Variants in MTR observed in about 807,000 individuals in gnomAD.
MTR encodes methionine synthase.
In MTR, 84 loss-of-function variants were observed where a neutral mutation model predicts 154.8. The observed-to-expected ratio is 0.54, with a 90% CI of 0.45 to 0.65. The LOEUF (loss-of-function observed/expected upper bound fraction) is 0.65, where lower values mean the gene tolerates loss of function less well. Ranked by LOEUF, MTR falls within the 30% of genes least tolerant of loss-of-function variation. MTR has a pLI of 0.00. For synonymous variants in MTR, 554 were observed against 553.9 expected, an observed-to-expected ratio of 1.00 and a Z score of 0.00; for missense variants, 1,275 against 1,570.2, an observed-to-expected ratio of 0.81 and a Z score of 3.18.
At chr1:236,825,701 C>T (rs1662250503) in intron 10 of MTR, among the ~76,000 whole-genome samples, 1 of 152,172 alleles carries the variant, frequency 6.6e-6, no homozygotes, top group African/African-American at 2.4e-5. Context: ...TTGTAGCTTT[C>T]TGCCCTCACA....
chr1:236,812,122 A>G (rs1036740182), intron 5 of MTR, among the ~76,000 whole-genome samples: 1 of 152,244 alleles, frequency 6.6e-6, no homozygotes, highest in African/African-American at 2.4e-5. Context: ...ACCTCAAGTG[A>G]TCTGCTCACC....
chr1:236,874,631 C>T (rs371024195), intron 23 of MTR, 95 bp from the exon 24 acceptor site: 1 of 1,072,022 alleles, frequency 9.3e-7, no homozygotes, highest in Non-Finnish European at 1.3e-6. Flanking sequence ...GTCTTCATTA[C>T]AAAGTTTTTT....
rs577337513 is a variant in MTR, at chr1:236,795,888, G to T, written c.34+151G>T. The stretch of plus-strand genomic sequence containing the variant: ...GGCACCTTTAGAACTTAGCGCAGGA[G>T]CCCGGAGGGCTACGTGTTTTGCTCC... On this transcript the variant is annotated intron_variant, in intron 1 of 32. Transcript: ENST00000366577. 53 of 1,210,802 alleles carry T rather than the reference G, an allele frequency of 4.4e-5. No individual in the cohort carries two copies. In the South Asian group the frequency reaches 6.2e-4, roughly 14 times the overall value. 75.0% of individuals were successfully genotyped at this position (1,210,802 alleles called of 1,614,324 possible).
At chr1:236,796,205 G>A (rs1346005472) in intron 1 of MTR, among the ~76,000 whole-genome samples, 1 of 152,134 alleles carries the variant, frequency 6.6e-6, no homozygotes, top group Non-Finnish European at 1.5e-5. Context: ...TTTATTTTCT[G>A]CTTCTACGCA....
chr1:236,810,704 CT>C, intron 5 of MTR, 109 bp downstream of exon 5: 1 of 924,642 alleles, frequency 1.1e-6, no homozygotes, highest in Non-Finnish European at 1.8e-6. Context: ...CTTAGAGTTA[CT>C]GTGATTTAAT....
In MTR at chr1:236,889,304, G is replaced by T; in HGVS notation, c.2975G>T (p.Gly992Val). The T allele has an allele frequency of 6.2e-7, 1 of 1,614,220 alleles. No individual in the cohort carries two copies. Among genetic ancestry groups the T allele is most frequent in the Non-Finnish European group, 8.5e-7 (1 of 1,180,044 alleles). The change falls in exon 28 of 33, where the codon GGC becomes GTC. Residue 992 changes from glycine to valine, a missense_variant. Physicochemically the swap from Gly to Val is moderately radical, Grantham distance 109. Transcript: ENST00000366577. Reference protein sequence around the residue: ...WQLRGKYPNRGFPKIFNDKTV... With the variant: ...WQLRGKYPNRVFPKIFNDKTV... Reference sequence around the variant, plus strand: ...CTCCGGGGCAAGTACCCGAATCGAGGCTTTCCCAAGATATTTAACGACAAA... The same window carrying T: ...CTCCGGGGCAAGTACCCGAATCGAGTCTTTCCCAAGATATTTAACGACAAA...
chr1:236,813,324 A>G (rs144579698), intron 6 of MTR, among the ~76,000 whole-genome samples: 1 of 152,208 alleles, frequency 6.6e-6, no homozygotes, highest in Non-Finnish European at 1.5e-5. Context: ...ACATAAGTGT[A>G]TATGGAGAGA....
At chr1:236,882,834 C>G (rs561206024) in intron 25 of MTR, among the ~76,000 whole-genome samples, 1 of 152,192 alleles carries the variant, frequency 6.6e-6, no homozygotes, top group Admixed American at 6.5e-5. Context: ...TACAAAGAAA[C>G]GACCACATTT....
intron 21 of MTR, among the ~76,000 whole-genome samples, chr1:236,863,190 T>A (rs1350265683): frequency 6.6e-6 from 1 of 152,362 alleles, no homozygotes; most frequent in East Asian, 1.9e-4. Flanking sequence ...AAGGATGTGG[T>A]CTTCAGCTGT....
chr1:236,817,700 T>C (rs1661678463), intron 8 of MTR, among the ~76,000 whole-genome samples: 1 of 152,358 alleles, frequency 6.6e-6, no homozygotes, highest in South Asian at 2.1e-4. Flanking sequence ...TTATCAATTA[T>C]GTGATGTTCT....
intron 22 of MTR, among the ~76,000 whole-genome samples, chr1:236,867,225 C>G (rs772695116): frequency 6.6e-6 from 1 of 152,118 alleles, no homozygotes; most frequent in Admixed American, 6.6e-5. Flanking sequence ...TCAGTTGAAG[C>G]CAGTGCGCAT....
intron 14 of MTR, among the ~76,000 whole-genome samples, 156 bp from the exon 15 acceptor site, chr1:236,838,258 T>G (rs2103164818): frequency 6.6e-6 from 1 of 152,388 alleles, no homozygotes; most frequent in South Asian, 2.1e-4. Context: ...ATTTTGGGCT[T>G]AAAGAACAAG....
intron 24 of MTR, among the ~76,000 whole-genome samples, chr1:236,875,056 T>G (rs1665354878): frequency 6.6e-6 from 1 of 152,248 alleles, no homozygotes; most frequent in South Asian, 2.1e-4. Flanking sequence ...GTGATTCCTA[T>G]TCTTTGCTTT....
intron 18 of MTR, among the ~76,000 whole-genome samples, chr1:236,853,579 TA>T (rs1307585315): frequency 2.0e-5 from 3 of 152,338 alleles, no homozygotes; most frequent in East Asian, 1.9e-4. Context: ...TTTATGGTAA[TA>T]TTTTTTTCTT....
intron 5 of MTR, 49 bp downstream of exon 5, chr1:236,810,644 A>G (rs1269700812): frequency 7.1e-7 from 1 of 1,405,472 alleles, no homozygotes; most frequent in African/African-American, 1.4e-5. Flanking sequence ...GTACTCCCCA[A>G]GCTTCAGTAA....
chr1:236,823,981 T>TG, intron 8 of MTR, 138 bp from the exon 9 acceptor site: 1 of 734,396 alleles, frequency 1.4e-6, no homozygotes, highest in African/African-American at 1.7e-5. Flanking sequence ...ATGGCTTTGA[T>TG]GGTAGTTGAA....
chr1:236,872,702 A>G (rs556173742), intron 22 of MTR, among the ~76,000 whole-genome samples: 79 of 152,256 alleles, frequency 5.2e-4, no homozygotes, highest in African/African-American at 1.7e-3. Context: ...AAATGAGATC[A>G]TTTATGCAGG....
At chr1:236,842,027 G>T (rs1663274962) in intron 15 of MTR, among the ~76,000 whole-genome samples, 1 of 152,080 alleles carries the variant, frequency 6.6e-6, no homozygotes, top group African/African-American at 2.4e-5. Context: ...GAGTAGCTGG[G>T]ACTACAGGCA....
At chr1:236,813,458 C>T (rs1465290674) in intron 6 of MTR, among the ~76,000 whole-genome samples, 1 of 152,124 alleles carries the variant, frequency 6.6e-6, no homozygotes, top group Non-Finnish European at 1.5e-5. Flanking sequence ...TCAAATTACC[C>T]TCATTTGCGA....
Sources: gnomAD v4.1 joint callset for allele counts (sites outside exome capture counted in the v4.1 genomes callset) on GRCh38, gnomAD v4.1.1 for gene constraint, MANE v1.5 for transcripts, NCBI Gene and HGNC (gene_info 2026-07-23, HGNC 2026-07-21) for gene names.